The following MARCHF8 variants were observed in gnomAD, a reference collection of about 807,000 sequenced individuals.
MARCHF8 encodes the protein E3 ubiquitin-protein ligase MARCHF8.
A neutral mutation model predicts 51.6 loss-of-function variants in MARCHF8; 40 were observed. That is an observed-to-expected ratio of 0.77 (90% CI 0.60 to 1.01). The LOEUF (loss-of-function observed/expected upper bound fraction) is 1.01. Ranked by LOEUF, MARCHF8 falls within the 50% of genes least tolerant of loss-of-function variation. The pLI is 0.00. For synonymous variants in MARCHF8, 263 were observed against 280.3 expected (o/e 0.94, Z 0.62); for missense variants, 685 against 708.6 (o/e 0.97, Z 0.38).
At chr10:45,580,810 C>CA (rs1421669456) in intron 1 of MARCHF8, among the ~76,000 whole-genome samples, 1 of 152,118 alleles carries the variant, frequency 6.6e-6, no homozygotes, top group Non-Finnish European at 1.5e-5. Flanking sequence ...GTGGTATTGT[C>CA]AGTTTATTTT....
At chr10:45,461,516 T>C (rs1392175603) in intron 5 of MARCHF8, 105 bp from the exon 6 acceptor site, 8 of 946,100 alleles carry the variant, frequency 8.5e-6, no homozygotes, top group South Asian at 2.9e-5. Flanking sequence ...GAAACGAACA[T>C]TACAGAAGTG....
At chr10:45,559,952 G>A (rs989903823) in intron 1 of MARCHF8, among the ~76,000 whole-genome samples, 2 of 152,040 alleles carry the variant, frequency 1.3e-5, no homozygotes, top group Admixed American at 6.6e-5. Context: ...AGCGGGCCTC[G>A]GCAGTGAGAT....
chr10:45,552,112 C>T (rs1157742238), intron 1 of MARCHF8, among the ~76,000 whole-genome samples: 1 of 152,120 alleles, frequency 6.6e-6, no homozygotes, highest in Non-Finnish European at 1.5e-5. Context: ...ATTTGTGCTT[C>T]CTTATGACTA....
At chr10:45,518,549 A>G (rs1167179663) in intron 2 of MARCHF8, among the ~76,000 whole-genome samples, 3 of 152,138 alleles carry the variant, frequency 2.0e-5, no homozygotes, top group Non-Finnish European at 2.9e-5. Flanking sequence ...TTTGCTTTCC[A>G]TGATCTTCAA....
intron 1 of MARCHF8, among the ~76,000 whole-genome samples, chr10:45,579,445 T>TTTTTTTTTTTTTTTTTTTTGAGACGG (rs1255570130): frequency 1.3e-5 from 2 of 151,732 alleles, no homozygotes; most frequent in African/African-American, 4.8e-5. Context: ...AAATTTCTTT[T>TTTTTTTTTTTTTTTTTTTTGAGACGG]AAAAAGCACT....
upstream of MARCHF8, among the ~76,000 whole-genome samples, chr10:45,539,501 G>T (rs35629170): frequency 1.3e-5 from 2 of 152,010 alleles, no homozygotes; most frequent in Non-Finnish European, 2.9e-5. Context: ...AGACACAAAA[G>T]ACCCTTCAAA....
chr10:45,463,867 T>A lies in MARCHF8; in HGVS notation c.372A>T (p.Leu124Phe), dbSNP rs1842879773. ...CAAAGGAATTTCTCTTTGACGCCTG[T>A]AATGTGTCCTTACAGATAACTGTCA... ...LTVTVICKDT[L>F]QASKRNSFGS... Residue 124 changes from leucine (L) to phenylalanine (F), a missense_variant, in exon 5 of 8, where the codon TTA (leucine) becomes TTT (phenylalanine). By Grantham distance (22) the Leu-to-Phe change is conservative (BLOSUM62 0). Transcript: ENST00000453424. 1 of 1,538,822 alleles carries A rather than the reference T, an allele frequency of 6.5e-7. No individual in the cohort carries two copies. The highest frequency in any genetic ancestry group is 2.0e-5 in the Admixed American group (1 of 50,994).
Position 45,489,403 on chromosome 10 carries a change from C to G in MARCHF8, c.117G>C (p.Leu39Phe). 2 of 1,612,106 alleles carry G rather than the reference C, an allele frequency of 1.2e-6. No homozygotes were observed. The highest frequency in any genetic ancestry group is 1.7e-6 in the Non-Finnish European group (2 of 1,179,286). ...TGCTTGAATGACTCATGAAATGTCC[C>G]AAAGTCTTCTCATTCTGCAAGAAAA... The part of the protein sequence containing the change: ...KEREEQNEKT[L>F]GHFMSHSSNI... The change falls in exon 3 of 8, where the codon TTG becomes TTC. Residue 39 changes from leucine (L) to phenylalanine (F), a missense_variant. Coordinates refer to ENST00000453424, the MANE Select transcript of MARCHF8 (RefSeq NM_001282866.2).
At chr10:45,568,060 A>C (rs2044384434) in intron 1 of MARCHF8, among the ~76,000 whole-genome samples, 1 of 151,918 alleles carries the variant, frequency 6.6e-6, no homozygotes, top group Admixed American at 6.6e-5. Context: ...ATACTTTTTT[A>C]TTTCTTTTTC....
intron 3 of MARCHF8, among the ~76,000 whole-genome samples, chr10:45,477,315 T>C (rs1265734527): frequency 6.6e-6 from 1 of 152,178 alleles, no homozygotes; most frequent in Non-Finnish European, 1.5e-5. Flanking sequence ...ACCACCAGAT[T>C]GGTCCTATAA....
chr10:45,539,905 A>G (rs2044026864), upstream of MARCHF8, among the ~76,000 whole-genome samples: 1 of 152,202 alleles, frequency 6.6e-6, no homozygotes, highest in South Asian at 2.1e-4. Flanking sequence ...TTACACTCCA[A>G]TAACAGACAG....
chr10:45,494,794 A>G (rs928599034), intron 2 of MARCHF8, among the ~76,000 whole-genome samples: 2 of 152,154 alleles, frequency 1.3e-5, no homozygotes, highest in African/African-American at 2.4e-5. Flanking sequence ...GAAGTCTGAA[A>G]CTTTTTGGTC....
In MARCHF8 at chr10:45,533,234, T is replaced by C. The variant is rs776431896; in HGVS notation, c.-23A>G. 2 of 1,593,124 alleles carry C rather than the reference T, an allele frequency of 1.3e-6. No individual in the cohort carries two copies. Among genetic ancestry groups the C allele is most frequent in the Admixed American group, 3.7e-5 (2 of 54,208 alleles). On this transcript the variant is annotated 5_prime_UTR_variant, in exon 2 of 8. Coordinates refer to ENST00000453424, the MANE Select transcript of MARCHF8 (RefSeq NM_001282866.2). ...CATCCCAACCTCTTATCTGGTCGTC[T>C]TCTTCACAGAAGAGAGTCTCCACTG...
chr10:45,459,407 C>A, intron 6 of MARCHF8, 140 bp from the exon 7 acceptor site: 1 of 990,126 alleles, frequency 1.0e-6, no homozygotes, highest in Non-Finnish European at 1.4e-6. Flanking sequence ...AAGTATTGTT[C>A]TCCTAAAACC....
intron 1 of MARCHF8, among the ~76,000 whole-genome samples, chr10:45,544,739 G>A (rs2044099236): frequency 6.6e-6 from 1 of 152,156 alleles, no homozygotes; most frequent in African/African-American, 2.4e-5. Flanking sequence ...AACTTTGGGG[G>A]CAAAGGAAAT....
intron 1 of MARCHF8, among the ~76,000 whole-genome samples, chr10:45,580,205 C>T (rs931586231): frequency 6.6e-5 from 10 of 151,462 alleles, no homozygotes; most frequent in African/African-American, 2.2e-4. Context: ...AACCACAAAA[C>T]GCAATATGCA....
At chr10:45,505,159 G>A (rs1350336462) in intron 2 of MARCHF8, among the ~76,000 whole-genome samples, 4 of 152,182 alleles carry the variant, frequency 2.6e-5, no homozygotes, top group Admixed American at 6.5e-5. Flanking sequence ...GACCCGCCTT[G>A]ATGGCTCCCT....
chr10:45,510,612 G>C (rs1028316213), intron 2 of MARCHF8, among the ~76,000 whole-genome samples: 1 of 152,236 alleles, frequency 6.6e-6, no homozygotes, highest in Admixed American at 6.5e-5. Context: ...ACGTCAAAAT[G>C]CATCAATATT....
chr10:45,462,132 T>C (rs1211444840), intron 5 of MARCHF8: 3 of 152,130 alleles, frequency 2.0e-5, no homozygotes, highest in African/African-American at 4.8e-5. Context: ...AGAGAACAGG[T>C]TGGGGCACTC....
Sources: gnomAD v4.1 joint callset for allele counts (sites outside exome capture counted in the v4.1 genomes callset) on GRCh38, gnomAD v4.1.1 for gene constraint, MANE v1.5 for transcripts, NCBI Gene and HGNC (gene_info 2026-07-23, HGNC 2026-07-21) for gene names.